The following SUGCT variants were observed in gnomAD, a reference collection of about 807,000 sequenced individuals.
SUGCT encodes the protein succinyl-CoA:glutarate CoA-transferase.
SUGCT carries 41 observed loss-of-function variants against 55.0 expected under a neutral mutation model. That is an observed-to-expected ratio of 0.74 (90% CI 0.58 to 0.97). The LOEUF is 0.97. SUGCT is among the 50% of genes least tolerant of loss of function. The probability of loss-of-function intolerance (pLI) is 0.00; values close to 1 mark genes in which losing one functional copy is unlikely to be tolerated. For missense variants in SUGCT, 568 were observed against 547.8 expected, an observed-to-expected ratio of 1.04 and a Z score of -0.37; for synonymous variants, 187 against 200.4, an observed-to-expected ratio of 0.93 and a Z score of 0.56.
the SUGCT span, among the ~76,000 whole-genome samples, chr7:41,023,660 G>T: frequency 6.6e-6 from 1 of 152,082 alleles, no homozygotes; most frequent in Middle Eastern, 3.4e-3. Flanking sequence ...CTTTTTCCAG[G>T]CAGTGATGAA....
At chr7:40,231,451 T>A (rs1443249786) in intron 6 of SUGCT, among the ~76,000 whole-genome samples, 2 of 152,104 alleles carry the variant, frequency 1.3e-5, no homozygotes, top group Non-Finnish European at 1.5e-5. Context: ...TTAGAGAGAA[T>A]GAAAATATCA....
chr7:40,679,075 C>T (rs369487352), intron 12 of SUGCT, among the ~76,000 whole-genome samples: 2 of 152,180 alleles, frequency 1.3e-5, no homozygotes, highest in Non-Finnish European at 2.9e-5. Flanking sequence ...CCCAGGCCAC[C>T]CTTCTGAAGG....
chr7:40,281,752 A>G (rs948938400), intron 8 of SUGCT, among the ~76,000 whole-genome samples: 1 of 152,210 alleles, frequency 6.6e-6, no homozygotes, highest in African/African-American at 2.4e-5. Flanking sequence ...CATGTAGACC[A>G]AAGGAGCAGC....
At chr7:40,352,569 T>C (rs990020675) in intron 9 of SUGCT, among the ~76,000 whole-genome samples, 2 of 152,124 alleles carry the variant, frequency 1.3e-5, no homozygotes, top group African/African-American at 4.8e-5. Context: ...CGGTGTTTGG[T>C]TTTCTCTTTC....
chr7:40,534,407 C>T lies in SUGCT; in HGVS notation c.1089+38021C>T, dbSNP rs1381068525. Among the ~76,000 whole-genome samples, 3 of 150,998 alleles carry T rather than the reference C, an allele frequency of 2.0e-5. 1 individual carries two copies. The highest frequency in any genetic ancestry group is 2.0e-4 in the Admixed American group (3 of 15,200). ...TCTTAATTTCTTTTTTTTTTTGAGA[C>T]GGAGTCTCACTCTGTCGCCTAGGCT... On this transcript the variant is annotated intron_variant, in intron 12 of 13. Coordinates refer to ENST00000335693, the MANE Select transcript of SUGCT (RefSeq NM_001193313.2).
At chr7:40,905,880 G>T in the SUGCT span, among the ~76,000 whole-genome samples, 3 of 151,754 alleles carry the variant, frequency 2.0e-5, no homozygotes, top group Non-Finnish European at 4.4e-5. Context: ...CACCACACTG[G>T]CTAATTTTTA....
intron 5 of SUGCT, among the ~76,000 whole-genome samples, chr7:40,192,468 G>C (rs1482904861): frequency 1.3e-5 from 2 of 152,094 alleles, no homozygotes; most frequent in African/African-American, 4.8e-5. Context: ...GTTATGGTCA[G>C]CAGAGCAATG....
At chr7:40,806,907 C>T (rs533404346) in intron 13 of SUGCT, among the ~76,000 whole-genome samples, 2 of 152,286 alleles carry the variant, frequency 1.3e-5, no homozygotes, top group East Asian at 1.9e-4. Flanking sequence ...GCTCCATGTG[C>T]ACAGCACTTG....
At chr7:40,334,966 C>A (rs1409372142) in intron 9 of SUGCT, among the ~76,000 whole-genome samples, 1 of 152,204 alleles carries the variant, frequency 6.6e-6, no homozygotes, top group African/African-American at 2.4e-5. Flanking sequence ...CAGCTTTCTG[C>A]ATATGGCTAG....
intron 13 of SUGCT, among the ~76,000 whole-genome samples, chr7:40,754,579 G>A (rs1382287051): frequency 1.3e-5 from 2 of 152,192 alleles, no homozygotes; most frequent in African/African-American, 4.8e-5. Context: ...ACATGGAAAA[G>A]TAGGTTGAGT....
At chr7:40,314,326 C>A (rs1038766057) in intron 8 of SUGCT, among the ~76,000 whole-genome samples, 12 of 152,132 alleles carry the variant, frequency 7.9e-5, no homozygotes, top group African/African-American at 2.4e-4. Flanking sequence ...AAATAACAAG[C>A]CTTTTGTGAT....
At chr7:40,589,763 G>A (rs1327735239) in intron 12 of SUGCT, among the ~76,000 whole-genome samples, 1 of 152,146 alleles carries the variant, frequency 6.6e-6, no homozygotes, top group Non-Finnish European at 1.5e-5. Flanking sequence ...TCTTAAGTTA[G>A]TGAAAACTTA....
chr7:40,400,667 C>A (rs749424795), intron 9 of SUGCT, among the ~76,000 whole-genome samples: 3 of 152,170 alleles, frequency 2.0e-5, no homozygotes, highest in African/African-American at 7.2e-5. Flanking sequence ...CTCTAACTGG[C>A]ATTTGGTGAG....
At chr7:40,477,933 A>G (rs1301161824) in intron 11 of SUGCT, among the ~76,000 whole-genome samples, 2 of 152,144 alleles carry the variant, frequency 1.3e-5, no homozygotes, top group African/African-American at 2.4e-5. Context: ...TAGAGAACAA[A>G]TAGATTTTAG....
chr7:40,647,379 A>G (rs1800571905), intron 12 of SUGCT, among the ~76,000 whole-genome samples: 1 of 152,192 alleles, frequency 6.6e-6, no homozygotes, highest in South Asian at 2.1e-4. Context: ...GGTTGGTGCA[A>G]AAGTACTACT....
At chr7:41,032,418 G>C in the SUGCT span, among the ~76,000 whole-genome samples, 2 of 151,926 alleles carry the variant, frequency 1.3e-5, no homozygotes, top group South Asian at 4.2e-4. Context: ...TGGCGATTCA[G>C]AGAAAGTTTC....
rs371116060 is a variant in SUGCT, at chr7:40,728,740, G to A, written c.1090-20694G>A. On this transcript the variant is annotated intron_variant, in intron 12 of 13. Coordinates refer to ENST00000335693, the MANE Select transcript of SUGCT (RefSeq NM_001193313.2). ...TTTACCTTATGTAAGTGATATAGAAGACCTGGGAATATAGCTGTCTCACTG... is the reference window on the plus strand; with the variant it reads ...TTTACCTTATGTAAGTGATATAGAAAACCTGGGAATATAGCTGTCTCACTG... Among the ~76,000 whole-genome samples the A allele has an allele frequency of 2.6e-4, 39 of 152,286 alleles. No individual in the cohort carries two copies. In the East Asian group the frequency reaches 7.5e-3, roughly 29 times the overall value.
intron 13 of SUGCT, among the ~76,000 whole-genome samples, chr7:40,766,927 T>G (rs2128724494): frequency 6.6e-6 from 1 of 152,346 alleles, no homozygotes; most frequent in Admixed American, 6.5e-5. Flanking sequence ...ATGAAAGCGA[T>G]AGCCTGGATA....
intron 12 of SUGCT, among the ~76,000 whole-genome samples, chr7:40,540,387 A>G (rs1794608104): frequency 6.6e-6 from 1 of 152,254 alleles, no homozygotes; most frequent in Non-Finnish European, 1.5e-5. Context: ...CAGAGCCAAA[A>G]TTCTAAACAG....
Sources: allele counts gnomAD v4.1 joint callset (sites outside exome capture counted in the v4.1 genomes callset), GRCh38; gene constraint gnomAD v4.1.1; transcripts MANE v1.5; gene names NCBI Gene and HGNC (gene_info 2026-07-23, HGNC 2026-07-21).